Variants in WNT3A observed in about 807,000 individuals in gnomAD.
WNT3A encodes protein Wnt-3a.
WNT3A carries 17 observed loss-of-function variants against 37.0 expected under a neutral mutation model. The observed-to-expected ratio is 0.46, with a 90% CI of 0.31 to 0.69. WNT3A has a LOEUF of 0.69. Among genes scored for constraint, WNT3A ranks in the 30% least tolerant of loss-of-function variants. The probability of loss-of-function intolerance (pLI) is 0.05; values close to 1 mark genes in which losing one functional copy is unlikely to be tolerated. For synonymous variants in WNT3A, 187 were observed against 211.0 expected (o/e 0.89, Z 0.99); for missense variants, 411 against 510.2 (o/e 0.81, Z 1.87).
chr1:228,040,719 TA>T (rs1342174827), intron 2 of WNT3A, among the ~76,000 whole-genome samples: 2 of 151,492 alleles, frequency 1.3e-5, no homozygotes, highest in East Asian at 3.9e-4. Context: ...CTTTCTCTAC[TA>T]AAAATACAAA....
At position 228,059,664 on chromosome 1, in the gene WNT3A, T is replaced by G; in HGVS notation, c.*199T>G. The G allele has an allele frequency of 4.4e-6, 6 of 1,362,172 alleles. No homozygotes were observed. In the East Asian group the frequency reaches 8.8e-5, roughly 20 times the overall value. The allele number at this position is 1,362,172 out of a possible 1,614,324, so 84.4% of individuals were successfully genotyped here. A position where few individuals can be genotyped will look rare whatever the true frequency, so the allele number is the denominator to read the frequency against. On this transcript the variant is annotated 3_prime_UTR_variant, in exon 4 of 4. Transcript: ENST00000284523. ...CTCCCTGGAGCTAGTGTCTCCTCTC[T>G]GGTGGCTGGGCTGCTCCTGAATGAG... is the stretch of plus-strand genomic sequence containing the variant.
intron 1 of WNT3A, among the ~76,000 whole-genome samples, chr1:228,012,662 G>A (rs1462248051): frequency 6.6e-6 from 1 of 152,078 alleles, no homozygotes; most frequent in Non-Finnish European, 1.5e-5. Flanking sequence ...CAGAAGACCC[G>A]CTTCATGTCT....
Position 228,059,555 on chromosome 1 carries a change from C to T in WNT3A, c.*90C>T, listed in dbSNP as rs370330672. 31 of 1,412,442 alleles carry T rather than the reference C, an allele frequency of 2.2e-5. No homozygotes were observed. Among genetic ancestry groups the T allele is most frequent in the Non-Finnish European group, 2.8e-5 (31 of 1,089,866 alleles). The allele number at this position is 1,412,442 out of a possible 1,614,324, so 87.5% of individuals were successfully genotyped here. A position where few individuals can be genotyped will look rare whatever the true frequency, so the allele number is the denominator to read the frequency against. On this transcript the variant is annotated 3_prime_UTR_variant, in exon 4 of 4. Transcript: ENST00000284523. ...GAGCAGGACTCCCACCTAAACGGGG[C>T]AGTACTCCTCCCTGGGGGCGGGACT...
chr1:228,057,605 T>A (rs2124821315), intron 3 of WNT3A, among the ~76,000 whole-genome samples: 1 of 152,190 alleles, frequency 6.6e-6, no homozygotes, highest in South Asian at 2.1e-4. Flanking sequence ...ACAGTCAATA[T>A]CAGAGGGAGG....
intron 1 of WNT3A, among the ~76,000 whole-genome samples, chr1:228,009,698 C>T (rs981866013): frequency 6.6e-6 from 1 of 152,220 alleles, no homozygotes; most frequent in African/African-American, 2.4e-5. Context: ...GAAGGGGAAT[C>T]TCCTCACCTG....
At chr1:228,046,006 G>A (rs1035742933) in intron 2 of WNT3A, among the ~76,000 whole-genome samples, 3 of 152,254 alleles carry the variant, frequency 2.0e-5, no homozygotes, top group African/African-American at 7.2e-5. Flanking sequence ...TGGTTGGGGA[G>A]GGGCAGCCAG....
rs921699646 is a variant in WNT3A at position 228,050,338 on chromosome 1, T to A, written c.314-318T>A. ...ACTGTACTTAGCCAAAGTTGCTTGT[T>A]AAAAAGAGCCTGGTACCAACCTCCC... On this transcript the variant is annotated intron_variant, in intron 2 of 3. Transcript: ENST00000284523. The surrounding 1 kb of genome is among the most constrained non-coding windows in gnomAD (Gnocchi z 5.0). 2.6e-5 allele frequency among the ~76,000 whole-genome samples: 4 copies of A among 152,218 alleles called. No homozygotes were observed. Among genetic ancestry groups the A allele is most frequent in the African/African-American group, 9.7e-5 (4 of 41,450 alleles).
chr1:228,029,452 G>A (rs943852262), intron 2 of WNT3A, among the ~76,000 whole-genome samples: 4 of 152,182 alleles, frequency 2.6e-5, no homozygotes, highest in Admixed American at 1.3e-4. Context: ...TCAGCAGGCC[G>A]AGGAGACTTT....
At chr1:228,036,312 G>A (rs1379272332) in intron 2 of WNT3A, among the ~76,000 whole-genome samples, 1 of 152,146 alleles carries the variant, frequency 6.6e-6, no homozygotes, top group Non-Finnish European at 1.5e-5. Flanking sequence ...ATTGTGAGGG[G>A]TGCATGTGTG....
At chr1:228,021,603 C>A (rs752045706) in intron 1 of WNT3A, among the ~76,000 whole-genome samples, 1 of 152,182 alleles carries the variant, frequency 6.6e-6, no homozygotes, top group Non-Finnish European at 1.5e-5. Context: ...GCTTGGGTGG[C>A]GTCCAAGTTC....
chr1:228,059,587 T>TG lies in WNT3A; in HGVS notation c.*127dup. ...CCTCCCTGGGGGCGGGACTCCTCCC[T>TG]GGGGGTGGGGCTCCTACCTGGGGGC... is the stretch of plus-strand genomic sequence containing the variant. On this transcript the variant is annotated 3_prime_UTR_variant, in exon 4 of 4. Coordinates refer to ENST00000284523, the MANE Select transcript of WNT3A (RefSeq NM_033131.4). 7.2e-7 allele frequency: 1 copy of TG among 1,386,596 alleles called. No individual in the cohort carries two copies. The highest frequency in any genetic ancestry group is 1.7e-5 in the South Asian group (1 of 60,082). The allele number at this position is 1,386,596 out of a possible 1,614,324, so 85.9% of individuals were successfully genotyped here. A position where few individuals can be genotyped will look rare whatever the true frequency, so the allele number is the denominator to read the frequency against.
intron 2 of WNT3A, among the ~76,000 whole-genome samples, chr1:228,046,962 G>C (rs1466916291): frequency 6.6e-6 from 1 of 152,136 alleles, no homozygotes; most frequent in Non-Finnish European, 1.5e-5. Context: ...CTGGAGGCTG[G>C]GGCCTCCTAG....
chr1:228,030,082 C>A (rs2030960908), intron 2 of WNT3A, among the ~76,000 whole-genome samples: 1 of 144,146 alleles, frequency 6.9e-6, no homozygotes, highest in Non-Finnish European at 1.5e-5. Context: ...GAGACCCTGT[C>A]TCTAAAAAAA....
At chr1:228,044,884 T>C (rs1571810071) in intron 2 of WNT3A, among the ~76,000 whole-genome samples, 1 of 152,094 alleles carries the variant, frequency 6.6e-6, no homozygotes, top group Non-Finnish European at 1.5e-5. Context: ...CGGATGGGGG[T>C]GTCTGTCCTG....
intron 2 of WNT3A, among the ~76,000 whole-genome samples, chr1:228,048,246 T>A (rs2031469345): frequency 6.6e-6 from 1 of 152,114 alleles, no homozygotes; most frequent in African/African-American, 2.4e-5. Context: ...CCTCCTGCTC[T>A]CCCAGGGCCT....
chr1:228,027,032 G>T (rs1226490740), intron 2 of WNT3A, among the ~76,000 whole-genome samples: 2 of 152,030 alleles, frequency 1.3e-5, no homozygotes, highest in Non-Finnish European at 2.9e-5. Flanking sequence ...CAGTACAGAC[G>T]GGGTTTCACC....
intron 2 of WNT3A, among the ~76,000 whole-genome samples, chr1:228,025,204 A>T (rs1368411546): frequency 6.6e-6 from 1 of 152,166 alleles, no homozygotes; most frequent in Non-Finnish European, 1.5e-5. Context: ...GTGCAAAAAA[A>T]AATGCTGCTG....
chr1:228,013,444 C>T (rs775471548), intron 1 of WNT3A, among the ~76,000 whole-genome samples: 18 of 152,228 alleles, frequency 1.2e-4, no homozygotes, highest in Non-Finnish European at 2.5e-4. Flanking sequence ...CGCTGCCGCC[C>T]AGGGAAACTG....
intron 2 of WNT3A, among the ~76,000 whole-genome samples, chr1:228,043,108 G>T (rs949717052): frequency 6.6e-6 from 1 of 152,144 alleles, no homozygotes; most frequent in African/African-American, 2.4e-5. Flanking sequence ...ACGAAAGGAA[G>T]GAAAGATAGA....
Sources: gnomAD v4.1 joint callset for allele counts (sites outside exome capture counted in the v4.1 genomes callset) on GRCh38, gnomAD v4.1.1 for gene constraint, Gnocchi (gnomAD v3.1) non-coding constraint, MANE v1.5 for transcripts, NCBI Gene and HGNC (gene_info 2026-07-23, HGNC 2026-07-21) for gene names.